The following MYO16 variants were observed in gnomAD, a reference collection of about 807,000 sequenced individuals.
MYO16 encodes myosin XVI.
In MYO16, 94 loss-of-function variants were observed where a neutral mutation model predicts 205.3. That is an observed-to-expected ratio of 0.46 (90% CI 0.39 to 0.54). MYO16 has a LOEUF of 0.54. Among genes scored for constraint, MYO16 ranks in the 20% least tolerant of loss-of-function variants. The probability of loss-of-function intolerance (pLI) is 0.00; values close to 1 mark genes in which losing one functional copy is unlikely to be tolerated. For missense variants in MYO16, 2,315 were observed against 2,387.5 expected (o/e 0.97, Z 0.63); for synonymous variants, 988 against 954.0 (o/e 1.04, Z -0.66).
At chr13:108,763,533 G>T (rs762947690) in intron 4 of MYO16, among the ~76,000 whole-genome samples, 1 of 152,162 alleles carries the variant, frequency 6.6e-6, no homozygotes, top group African/African-American at 2.4e-5. Context: ...AGAATTTGGC[G>T]TTGAAACCAA....
intron 27 of MYO16, among the ~76,000 whole-genome samples, chr13:109,068,271 C>A (rs1321318600): frequency 1.3e-5 from 2 of 152,188 alleles, no homozygotes; most frequent in African/African-American, 4.8e-5. Flanking sequence ...AGTTTGTTCA[C>A]AAGTTTTCTT....
intron 11 of MYO16, among the ~76,000 whole-genome samples, chr13:108,860,010 C>G (rs76825448): frequency 6.8e-6 from 1 of 146,524 alleles, no homozygotes; most frequent in Non-Finnish European, 1.5e-5. Flanking sequence ...AGCAGAGCCT[C>G]TTTTTTTTTT....
At chr13:108,976,348 A>G (rs1436767165) in intron 20 of MYO16, among the ~76,000 whole-genome samples, 1 of 152,156 alleles carries the variant, frequency 6.6e-6, no homozygotes, top group Non-Finnish European at 1.5e-5. Context: ...ATCTATTTTC[A>G]TTTAACAGGG....
intron 4 of MYO16, among the ~76,000 whole-genome samples, chr13:108,752,444 A>G (rs1885266535): frequency 6.6e-6 from 1 of 152,296 alleles, no homozygotes; most frequent in South Asian, 2.1e-4. Context: ...AGCAGCTATA[A>G]AGACAGGACT....
intron 2 of MYO16, among the ~76,000 whole-genome samples, chr13:108,687,488 T>C (rs1232271205): frequency 6.6e-6 from 1 of 151,404 alleles, no homozygotes; most frequent in African/African-American, 2.4e-5. Flanking sequence ...GCACAAATTT[T>C]ACTTTAAGAT....
At chr13:109,011,114 T>G (rs1885581258) in intron 22 of MYO16, among the ~76,000 whole-genome samples, 2 of 152,000 alleles carry the variant, frequency 1.3e-5, no homozygotes, top group South Asian at 4.2e-4. Context: ...TTCCTTTATC[T>G]AAAAACACTT....
intron 27 of MYO16, among the ~76,000 whole-genome samples, chr13:109,069,710 C>G (rs1887866864): frequency 6.6e-6 from 1 of 152,084 alleles, no homozygotes; most frequent in South Asian, 2.1e-4. Flanking sequence ...TATAAGGACA[C>G]TAATCCTATT....
chr13:108,587,791 T>A, the MYO16 span, among the ~76,000 whole-genome samples: 2,430 of 152,270 alleles, frequency 0.016, 50 homozygotes, highest in South Asian at 0.086. Flanking sequence ...AAACACCAGC[T>A]TATTATAGCC....
At chr13:108,989,430 C>T (rs1884745402) in intron 20 of MYO16, among the ~76,000 whole-genome samples, 1 of 152,142 alleles carries the variant, frequency 6.6e-6, no homozygotes, top group Non-Finnish European at 1.5e-5. Flanking sequence ...TCCATTTCCT[C>T]TTTCAAGGCT....
At position 109,141,218 on chromosome 13, in the gene MYO16, C is replaced by T. The variant is rs138518678; in HGVS notation, c.5006C>T (p.Ala1669Val). The change falls in exon 32 of 35, where the codon GCC becomes GTC. Residue 1669 changes from alanine (A) to valine (V), a missense_variant. Physicochemically the swap from Ala to Val is moderately conservative, Grantham distance 64. Around this residue, in one of 3 missense-constraint regions of MYO16, gnomAD observed 1,097 missense variants for 1,092.0 expected, o/e 1.00. Transcript: ENST00000457511. This position sits in a 1 kb window ranked among gnomAD's most constrained non-coding sequence, Gnocchi z 4.1. ...YSPVKATRAD[A>V]RKAGSSASPP... ...CCCGTGAAGGCCACCAGGGCGGACGCCAGGAAGGCCGGCTCCAGTGCCTCG... is the reference window on the plus strand; with the variant it reads ...CCCGTGAAGGCCACCAGGGCGGACGTCAGGAAGGCCGGCTCCAGTGCCTCG... The T allele has an allele frequency of 2.0e-5, 32 of 1,607,078 alleles. No individual in the cohort carries two copies. Among genetic ancestry groups the T allele is most frequent in the Admixed American group, 1.3e-4 (8 of 59,620 alleles).
chr13:108,555,646 T>G, the MYO16 span, among the ~76,000 whole-genome samples: 31 of 152,206 alleles, frequency 2.0e-4, no homozygotes, highest in Admixed American at 1.8e-3. Context: ...TACAAGAATT[T>G]GTCATTAACT....
intron 2 of MYO16, among the ~76,000 whole-genome samples, chr13:108,669,227 GC>G (rs1212366482): frequency 6.6e-6 from 1 of 151,988 alleles, no homozygotes; most frequent in Non-Finnish European, 1.5e-5. Context: ...GAGGGAGGGT[GC>G]TTTCTTGGGA....
At chr13:108,574,386 A>G in the MYO16 span, among the ~76,000 whole-genome samples, 36 of 152,324 alleles carry the variant, frequency 2.4e-4, no homozygotes, top group African/African-American at 8.2e-4. Flanking sequence ...AGAGACAAGC[A>G]TAACTGTGGT....
chr13:108,509,324 G>C, the MYO16 span, among the ~76,000 whole-genome samples: 1 of 152,054 alleles, frequency 6.6e-6, no homozygotes, highest in Non-Finnish European at 1.5e-5. Context: ...CTAGAGAAAG[G>C]GTTTTTGGTT....
intron 1 of MYO16, among the ~76,000 whole-genome samples, chr13:108,614,753 C>T (rs79107400): frequency 0.059 from 8,963 of 152,028 alleles, 333 homozygotes; most frequent in Admixed American, 0.11. Flanking sequence ...GCTGAAACAA[C>T]GGAATATCCA....
At chr13:108,653,865 C>A (rs1881123076) in intron 1 of MYO16, among the ~76,000 whole-genome samples, 1 of 151,840 alleles carries the variant, frequency 6.6e-6, no homozygotes, top group Non-Finnish European at 1.5e-5. Context: ...GAGTCAGGTG[C>A]ACATTCCTAT....
chr13:109,126,611 G>A (rs2139773578), intron 30 of MYO16, among the ~76,000 whole-genome samples: 1 of 152,294 alleles, frequency 6.6e-6, no homozygotes, highest in South Asian at 2.1e-4. Flanking sequence ...GTATTTTCCT[G>A]ATACAAAATT....
chr13:109,088,325 A>G (rs1048385735), intron 27 of MYO16, among the ~76,000 whole-genome samples: 1 of 152,186 alleles, frequency 6.6e-6, no homozygotes, highest in African/African-American at 2.4e-5. Flanking sequence ...AGCTTGGTGT[A>G]TGTTTCATGC....
chr13:108,751,196 AAAAC>A (rs1187101614), intron 4 of MYO16, among the ~76,000 whole-genome samples: 6 of 152,178 alleles, frequency 3.9e-5, no homozygotes, highest in African/African-American at 7.2e-5. Context: ...CTCCAATTAA[AAAAC>A]AAACAAACAA....
Sources: allele counts gnomAD v4.1 joint callset (sites outside exome capture counted in the v4.1 genomes callset), GRCh38; gene constraint gnomAD v4.1.1; regional missense constraint gnomAD v4.1.1; non-coding constraint Gnocchi (gnomAD v3.1); transcripts MANE v1.5; gene names NCBI Gene and HGNC (gene_info 2026-07-23, HGNC 2026-07-21).